The following TTC39C variants were observed in gnomAD, a reference collection of about 807,000 sequenced individuals.
TTC39C encodes the protein tetratricopeptide repeat domain 39C, also known as tetratricopeptide repeat protein 39C.
In TTC39C, 33 loss-of-function variants were observed where a neutral mutation model predicts 76.3. The ratio of observed to expected loss-of-function variants is 0.43; its 90% CI spans 0.33 to 0.58. The LOEUF (loss-of-function observed/expected upper bound fraction) is 0.58. Among genes scored for constraint, TTC39C ranks in the 20% least tolerant of loss-of-function variants. The probability of loss-of-function intolerance (pLI) is 0.04; values close to 1 mark genes in which losing one functional copy is unlikely to be tolerated. For synonymous variants in TTC39C, 254 were observed against 260.6 expected (o/e 0.97, Z 0.24); for missense variants, 595 against 701.4 (o/e 0.85, Z 1.71).
chr18:24,041,381 G>T (rs566443540), intron 1 of TTC39C, among the ~76,000 whole-genome samples: 1 of 152,210 alleles, frequency 6.6e-6, no homozygotes, highest in Non-Finnish European at 1.5e-5. Context: ...CAGCAAGCTT[G>T]TGTCTGATGG....
intron 11 of TTC39C, among the ~76,000 whole-genome samples, chr18:24,129,500 A>C (rs565741700): frequency 6.6e-6 from 1 of 152,238 alleles, no homozygotes; most frequent in South Asian, 2.1e-4. Flanking sequence ...GTGGCCGGGC[A>C]CGGTGGCTCA....
At chr18:24,075,684 C>CAAA (rs371486318) in intron 4 of TTC39C, among the ~76,000 whole-genome samples, 30 of 64,214 alleles carry the variant, frequency 4.7e-4, no homozygotes, top group Non-Finnish European at 6.1e-4. Context: ...GACCTTGTCT[C>CAAA]AAAAAAAAAA....
At chr18:24,039,991 G>T (rs541087509) in intron 1 of TTC39C, among the ~76,000 whole-genome samples, 2 of 152,268 alleles carry the variant, frequency 1.3e-5, no homozygotes, top group Admixed American at 6.5e-5. Flanking sequence ...TCACCAATTT[G>T]TCATCAACTG....
At position 24,118,139 on chromosome 18, in the gene TTC39C, A is replaced by G. The variant is rs1173543824; in HGVS notation, c.1093A>G (p.Ile365Val). 6.2e-7 allele frequency: 1 copy of G among 1,613,890 alleles called. No homozygotes were observed. The highest frequency in any genetic ancestry group is 8.5e-7 in the Non-Finnish European group (1 of 1,179,914). Residue 365 changes from isoleucine (I) to valine (V), a missense_variant, in exon 8 of 14, where the codon ATA becomes GTA. Ile to Val is a conservative substitution (Grantham distance 29, BLOSUM62 3). Transcript: ENST00000317571. ...CLYEIGWCSM[I>V]ELNFKDAFDS... is the part of the protein sequence containing the mutation. ...TTCTTTCATAGGTTGGTGCAGCATGATAGAGCTCAATTTCAAGGATGCATT... is the reference window on the plus strand; with the variant it reads ...TTCTTTCATAGGTTGGTGCAGCATGGTAGAGCTCAATTTCAAGGATGCATT...
At chr18:23,996,926 A>ACG (rs2083266090) in intron 1 of TTC39C, among the ~76,000 whole-genome samples, 1 of 151,926 alleles carries the variant, frequency 6.6e-6, no homozygotes, top group Non-Finnish European at 1.5e-5. Flanking sequence ...TGGCTAACAT[A>ACG]GTGAAACCCC....
chr18:24,103,941 T>TG lies in TTC39C; in HGVS notation c.985-10613_985-10612insG, dbSNP rs1489023442. Among the ~76,000 whole-genome samples the TG allele has an allele frequency of 3.7e-3, 551 of 149,394 alleles. 2 individuals carry two copies. Among genetic ancestry groups the TG allele is most frequent in the African/African-American group, 0.014 (536 of 39,422 alleles). ...CCACATTCTCTCTCTGTTTTTTTTTTTTTTGTTTGAGACGGAGTCTTGTTC... is the reference window on the plus strand; with the variant it reads ...CCACATTCTCTCTCTGTTTTTTTTTTGTTTTGTTTGAGACGGAGTCTTGTTC... On this transcript the variant is annotated intron_variant, in intron 6 of 13. Coordinates refer to ENST00000317571, the MANE Select transcript of TTC39C (RefSeq NM_001135993.2).
chr18:24,069,721 A>C (rs1436480690), intron 4 of TTC39C, among the ~76,000 whole-genome samples: 1 of 152,240 alleles, frequency 6.6e-6, no homozygotes, highest in African/African-American at 2.4e-5. Flanking sequence ...ATATACTGGA[A>C]TGACCTGCAT....
chr18:24,071,805 A>G (rs73404235), intron 4 of TTC39C, among the ~76,000 whole-genome samples: 1,526 of 152,296 alleles, frequency 0.01, 24 homozygotes, highest in African/African-American at 0.035. Context: ...GCCTTTGCCT[A>G]TTCTTCTAAT....
intron 6 of TTC39C, 142 bp downstream of exon 6, chr18:24,083,223 G>T (rs2084398958): frequency 1.1e-6 from 1 of 870,872 alleles, no homozygotes; most frequent in Non-Finnish European, 1.7e-6. Context: ...TTGTGTCTTT[G>T]CTAGGGAAGA....
intron 1 of TTC39C, among the ~76,000 whole-genome samples, chr18:24,020,477 T>C (rs1599241143): frequency 6.6e-6 from 1 of 152,234 alleles, no homozygotes; most frequent in African/African-American, 2.4e-5. Flanking sequence ...GTTCTCTAAG[T>C]CACATATGTA....
chr18:24,043,574 A>C (rs148246242), intron 1 of TTC39C, among the ~76,000 whole-genome samples: 1 of 152,174 alleles, frequency 6.6e-6, no homozygotes, highest in African/African-American at 2.4e-5. Flanking sequence ...GGCGCCCTAC[A>C]TGTGTCTTGA....
chr18:24,020,294 C>T (rs1470910502), intron 1 of TTC39C: 2 of 994,394 alleles, frequency 2.0e-6, no homozygotes, highest in Non-Finnish European at 2.4e-6. Flanking sequence ...ATTCATTTGG[C>T]TTGAGATTCC....
Position 24,074,453 on chromosome 18 carries a change from T to G in TTC39C, c.460+5182T>G, listed in dbSNP as rs76226774. 2.6e-4 allele frequency among the ~76,000 whole-genome samples: 39 copies of G among 152,184 alleles called. No homozygotes were observed. The East Asian group carries it at 7.5e-3, about 29-fold the overall frequency. ...CACAAATTTGCAACCTCAGGCATAA[T>G]TAAAGGGAGGAAATGGAGGAAAGGT... On this transcript the variant is annotated intron_variant, in intron 4 of 13. Coordinates refer to ENST00000317571, the MANE Select transcript of TTC39C (RefSeq NM_001135993.2).
chr18:24,014,766 C>G lies in TTC39C; in HGVS notation c.-106C>G. ...TCTCCCCTCCCCTCCCCTCCCCTCC[C>G]GGCTCCGCTTGGCTCCGGGCAGGTA... On this transcript the variant is annotated 5_prime_UTR_variant, in exon 1 of 14. Coordinates refer to ENST00000317571, the MANE Select transcript of TTC39C (RefSeq NM_001135993.2). The G allele has an allele frequency of 8.6e-7, 1 of 1,163,362 alleles. No individual in the cohort carries two copies. The highest frequency in any genetic ancestry group is 1.1e-6 in the Non-Finnish European group (1 of 942,798). 72.1% of individuals were successfully genotyped at this position (1,163,362 alleles called of 1,614,324 possible). A position where few individuals can be genotyped will look rare whatever the true frequency, so the allele number is the denominator to read the frequency against.
intron 1 of TTC39C, chr18:24,022,452 G>C (rs1442191485): frequency 1.1e-5 from 6 of 522,792 alleles, no homozygotes; most frequent in African/African-American, 8.3e-5. Context: ...CTCGGGTCTC[G>C]CAGCAGTAGT....
At position 24,132,597 on chromosome 18, in the gene TTC39C, T is replaced by A; in HGVS notation, c.*23T>A. ...TGACAGACCCGGAACACCCGCTCCG[T>A]CCCTCCCCACCCAGGGTCCGCACTT... On this transcript the variant is annotated 3_prime_UTR_variant, in exon 14 of 14. Coordinates refer to ENST00000317571, the MANE Select transcript of TTC39C (RefSeq NM_001135993.2). 6.3e-7 allele frequency: 1 copy of A among 1,598,928 alleles called. No homozygotes were observed. Among genetic ancestry groups the A allele is most frequent in the African/African-American group, 1.3e-5 (1 of 74,482 alleles).
chr18:24,094,197 T>A (rs368475727), intron 6 of TTC39C, among the ~76,000 whole-genome samples: 29 of 152,368 alleles, frequency 1.9e-4, no homozygotes, highest in African/African-American at 7.0e-4. Flanking sequence ...CTCACTCATC[T>A]TAAGCCCCTC....
intron 3 of TTC39C, among the ~76,000 whole-genome samples, chr18:24,067,340 A>T (rs1463623687): frequency 6.6e-6 from 1 of 152,160 alleles, no homozygotes; most frequent in Non-Finnish European, 1.5e-5. Context: ...GTCAGACACT[A>T]TCCCACTTGT....
At chr18:24,046,907 G>T (rs1235526014) in intron 1 of TTC39C, among the ~76,000 whole-genome samples, 1 of 151,328 alleles carries the variant, frequency 6.6e-6, no homozygotes, top group Non-Finnish European at 1.5e-5. Flanking sequence ...TTTTATTTTT[G>T]CTTCAAATAA....
Sources: allele counts gnomAD v4.1 joint callset (sites outside exome capture counted in the v4.1 genomes callset), GRCh38; gene constraint gnomAD v4.1.1; transcripts MANE v1.5; gene names NCBI Gene and HGNC (gene_info 2026-07-23, HGNC 2026-07-21).